Variants in GUCY1A1 observed in about 807,000 individuals in gnomAD.
GUCY1A1 encodes guanylate cyclase 1 soluble subunit alpha 1, also known as guanylate cyclase soluble subunit alpha-1.
Under a neutral mutation model 64.5 loss-of-function variants are expected in GUCY1A1, and 48 were observed. The observed-to-expected ratio is 0.74, with a 90% CI of 0.59 to 0.95. GUCY1A1 has a LOEUF of 0.95. GUCY1A1 is among the 40% of genes least tolerant of loss of function. GUCY1A1 has a pLI of 0.00. For missense variants in GUCY1A1, 804 were observed against 825.3 expected (o/e 0.97, Z 0.32); for synonymous variants, 308 against 303.4 (o/e 1.02, Z -0.16).
chr4:155,699,568 C>T (rs1050296622), intron 3 of GUCY1A1, among the ~76,000 whole-genome samples: 4 of 151,826 alleles, frequency 2.6e-5, no homozygotes, highest in Non-Finnish European at 5.9e-5. Flanking sequence ...GTAACTAAAA[C>T]TCCTCTCCAA....
At chr4:155,726,443 T>G (rs1278881186) in intron 9 of GUCY1A1, among the ~76,000 whole-genome samples, 1 of 151,986 alleles carries the variant, frequency 6.6e-6, no homozygotes, top group East Asian at 1.9e-4. Context: ...CAAACTATAG[T>G]ACAAGAAGCG....
intron 8 of GUCY1A1, among the ~76,000 whole-genome samples, chr4:155,720,053 G>C (rs932772630): frequency 2.6e-5 from 4 of 152,148 alleles, no homozygotes; most frequent in African/African-American, 9.7e-5. Context: ...TTAGGGTTGA[G>C]AGATTCAAAA....
intron 2 of GUCY1A1, among the ~76,000 whole-genome samples, chr4:155,687,699 T>G (rs950898784): frequency 1.3e-5 from 2 of 152,106 alleles, no homozygotes; most frequent in African/African-American, 4.8e-5. Flanking sequence ...TGAGGTGAAG[T>G]TCAGTTAAGA....
Position 155,694,820 on chromosome 4 carries a change from A to G in GUCY1A1, c.-112-1936A>G, listed in dbSNP as rs34575584. On this transcript the variant is annotated intron_variant, in intron 2 of 9. Coordinates refer to ENST00000506455, the MANE Select transcript of GUCY1A1 (RefSeq NM_001130682.3). ...CTTAAATCAGAAGAGAAGTTATTAA[A>G]CAATAATAGAATTATGTTGAGATGT... is the stretch of plus-strand genomic sequence containing the variant. Among the ~76,000 whole-genome samples the G allele has an allele frequency of 4.0e-3, 614 of 152,334 alleles. 5 individuals are homozygous for G. The highest frequency in any genetic ancestry group is 0.014 in the African/African-American group (572 of 41,570).
intron 4 of GUCY1A1, 55 bp from the exon 5 acceptor site, chr4:155,708,181 G>T: frequency 1.1e-6 from 1 of 878,350 alleles, no homozygotes; most frequent in South Asian, 1.4e-5. Flanking sequence ...ATTATAATCT[G>T]AACTTTTAGC....
chr4:155,697,106 A>G lies in GUCY1A1; in HGVS notation c.239A>G (p.Lys80Arg), dbSNP rs1730519706. ...YLHTLAESIC[K>R]LIFPEFERLN... is the part of the protein sequence containing the mutation. Reference sequence around the variant, plus strand: ...CACACTTTGGCAGAGAGTATTTGCAAACTGATTTTCCCAGAGGTGAGTGCG... The same window carrying G: ...CACACTTTGGCAGAGAGTATTTGCAGACTGATTTTCCCAGAGGTGAGTGCG... Residue 80 changes from lysine (K) to arginine (R), a missense_variant, in exon 3 of 10, where the codon AAA becomes AGA. Coordinates refer to ENST00000506455, the MANE Select transcript of GUCY1A1 (RefSeq NM_001130682.3). The G allele has an allele frequency of 2.5e-6, 4 of 1,613,458 alleles. No homozygotes were observed. In the East Asian group the frequency reaches 8.9e-5, roughly 36 times the overall value.
chr4:155,676,704 T>A (rs1456953912), intron 2 of GUCY1A1, among the ~76,000 whole-genome samples: 1 of 151,562 alleles, frequency 6.6e-6, no homozygotes, highest in Non-Finnish European at 1.5e-5. Flanking sequence ...TGTATTTTAC[T>A]GCCTGACTGC....
intron 9 of GUCY1A1, among the ~76,000 whole-genome samples, chr4:155,723,624 C>G (rs950706797): frequency 1.5e-5 from 2 of 133,946 alleles, no homozygotes; most frequent in African/African-American, 5.5e-5. Flanking sequence ...CCTTCTTCTT[C>G]TGCATTTATT....
At chr4:155,703,569 C>T (rs549465372) in intron 3 of GUCY1A1, among the ~76,000 whole-genome samples, 17 of 152,190 alleles carry the variant, frequency 1.1e-4, no homozygotes, top group African/African-American at 3.9e-4. Context: ...GGAAGTGATG[C>T]CCATGGAATC....
Position 155,713,559 on chromosome 4 carries a change from G to A in GUCY1A1, c.1548G>A (p.Gln516=). 1 of 1,613,612 alleles carries A rather than the reference G, an allele frequency of 6.2e-7. No homozygotes were observed. The change falls in exon 7 of 10, where the codon CAG becomes CAA. Residue 516 remains glutamine, a synonymous_variant. Transcript: ENST00000506455. ...CACTGTACACTCGCTTCGACCAGCA[G>A]TGTGGAGAGCTGGATGTCTACAAGG... is the stretch of plus-strand genomic sequence containing the variant. ...LNALYTRFDQ[Q]CGELDVYKVE...
At chr4:155,669,149 A>G (rs1733775408) in intron 2 of GUCY1A1, among the ~76,000 whole-genome samples, 1 of 152,188 alleles carries the variant, frequency 6.6e-6, no homozygotes, top group Non-Finnish European at 1.5e-5. Context: ...CACATAAAAT[A>G]GACCAGATGT....
intron 9 of GUCY1A1, among the ~76,000 whole-genome samples, chr4:155,729,188 A>G (rs1486604787): frequency 1.3e-5 from 2 of 151,774 alleles, no homozygotes; most frequent in East Asian, 1.9e-4. Flanking sequence ...AATATAATAA[A>G]TGCTTTTCTG....
At position 155,732,231 on chromosome 4, in the gene GUCY1A1, C is replaced by T. The variant is rs763521377; in HGVS notation, c.*2000C>T. The T allele has an allele frequency of 6.6e-6, 1 of 151,710 alleles. No individual in the cohort carries two copies. The highest frequency in any genetic ancestry group is 2.4e-5 in the African/African-American group (1 of 41,340). The allele number at this position is 151,710 out of a possible 1,614,324, so 9.4% of individuals were successfully genotyped here. A position where few individuals can be genotyped will look rare whatever the true frequency, so the allele number is the denominator to read the frequency against. ...GTGATGTATTAGCATATACACAAAA[C>T]AAATGAGGGGAATGTATATAATCTT... On this transcript the variant is annotated 3_prime_UTR_variant, in exon 10 of 10. Coordinates refer to ENST00000506455, the MANE Select transcript of GUCY1A1 (RefSeq NM_001130682.3).
At chr4:155,702,698 A>C (rs553515804) in intron 3 of GUCY1A1, among the ~76,000 whole-genome samples, 1 of 152,030 alleles carries the variant, frequency 6.6e-6, no homozygotes, top group South Asian at 2.1e-4. Context: ...TTTTTTCAGC[A>C]ATTGTGTTTT....
intron 2 of GUCY1A1, among the ~76,000 whole-genome samples, chr4:155,692,614 C>T (rs1352303270): frequency 6.6e-6 from 1 of 152,148 alleles, no homozygotes; most frequent in Non-Finnish European, 1.5e-5. Flanking sequence ...TGAAAAGTGT[C>T]TTTTTCTAAC....
At chr4:155,729,141 C>T (rs1735176748) in intron 9 of GUCY1A1, among the ~76,000 whole-genome samples, 1 of 151,682 alleles carries the variant, frequency 6.6e-6, no homozygotes, top group Admixed American at 6.6e-5. Context: ...CATGACATTA[C>T]AGACTAGTGA....
chr4:155,688,954 G>A (rs532423158), intron 2 of GUCY1A1, among the ~76,000 whole-genome samples: 30 of 151,898 alleles, frequency 2.0e-4, no homozygotes, highest in Admixed American at 1.9e-3. Context: ...TGAGTCTGCT[G>A]AGTTATGGAG....
intron 5 of GUCY1A1, 80 bp downstream of exon 5, chr4:155,708,374 A>T (rs1732087009): frequency 2.6e-6 from 2 of 772,962 alleles, no homozygotes; most frequent in Non-Finnish European, 4.5e-6. Context: ...ATTCATATTT[A>T]TTTGTTGGTG....
chr4:155,708,650 G>A (rs759502549), intron 5 of GUCY1A1, among the ~76,000 whole-genome samples: 120 of 152,046 alleles, frequency 7.9e-4, no homozygotes, highest in Admixed American at 1.4e-3. Flanking sequence ...GAGCAGTCAT[G>A]GGAAAAAAGT....
Sources: gnomAD v4.1 joint callset for allele counts (sites outside exome capture counted in the v4.1 genomes callset) on GRCh38, gnomAD v4.1.1 for gene constraint, MANE v1.5 for transcripts, NCBI Gene and HGNC (gene_info 2026-07-23, HGNC 2026-07-21) for gene names.